The following IRAK4 variants were observed in gnomAD, a reference collection of about 807,000 sequenced individuals.
The protein encoded by IRAK4 is interleukin-1 receptor-associated kinase 4.
In IRAK4, 44 loss-of-function variants were observed where a neutral mutation model predicts 51.8. That is an observed-to-expected ratio of 0.85 (90% CI 0.67 to 1.09). The LOEUF (loss-of-function observed/expected upper bound fraction) is 1.09, where lower values mean the gene tolerates loss of function less well. Among genes scored for constraint, IRAK4 ranks in the 50% least tolerant of loss-of-function variants. The pLI is 0.00. For missense variants in IRAK4, 487 were observed against 538.0 expected, an observed-to-expected ratio of 0.91 and a Z score of 0.94; for synonymous variants, 149 against 174.1, an observed-to-expected ratio of 0.86 and a Z score of 1.13.
intron 10 of IRAK4, among the ~76,000 whole-genome samples, chr12:43,786,039 A>ATT (rs58528160): frequency 1.5e-4 from 21 of 140,488 alleles, no homozygotes; most frequent in Admixed American, 1.4e-4. Context: ...TATGTCTTCA[A>ATT]TTTTTTTTTT....
At position 43,773,986 on chromosome 12, in the gene IRAK4, G is replaced by A; in HGVS notation, c.673G>A (p.Glu225Lys). Residue 225 changes from glutamate (E) to lysine (K), a missense_variant, in exon 6 of 12, where the codon GAA becomes AAA. Glu to Lys is a moderately conservative substitution (Grantham distance 56). Transcript: ENST00000613694. Reference sequence around the variant, plus strand: ...TCAGATGGTTGACATTACTACTGAAGAACTGAAACAGCAGTTTGATCAAGA... The same window carrying A: ...TCAGATGGTTGACATTACTACTGAAAAACTGAAACAGCAGTTTGATCAAGA... ...LAAMVDITTE[E>K]LKQQFDQEIK... 1 of 1,607,814 alleles carries A rather than the reference G, an allele frequency of 6.2e-7. No individual in the cohort carries two copies. Among genetic ancestry groups the A allele is most frequent in the Non-Finnish European group, 8.5e-7 (1 of 1,175,300 alleles).
chr12:43,786,558 G>C lies in IRAK4; in HGVS notation c.1347+1G>C. 2 of 1,613,216 alleles carry C rather than the reference G, an allele frequency of 1.2e-6. No individual in the cohort carries two copies. Among genetic ancestry groups the C allele is most frequent in the Non-Finnish European group, 1.7e-6 (2 of 1,179,488 alleles). On this transcript the variant is annotated splice_donor_variant, in intron 11 of 11. Coordinates refer to ENST00000613694, the MANE Select transcript of IRAK4 (RefSeq NM_016123.4). LOFTEE classifies it high-confidence loss of function. ...AAATAAGAGACCAGACATTAAGAAGGTATGCATTTTTTATACTTATTTAAA... is the reference window on the plus strand; with the variant it reads ...AAATAAGAGACCAGACATTAAGAAGCTATGCATTTTTTATACTTATTTAAA...
At chr12:43,776,102 GT>G (rs1941246581) in intron 6 of IRAK4, among the ~76,000 whole-genome samples, 1 of 151,910 alleles carries the variant, frequency 6.6e-6, no homozygotes, top group African/African-American at 2.4e-5. Flanking sequence ...AGCCAGGATG[GT>G]TTAGATCTGA....
chr12:43,778,256 A>G lies in IRAK4; in HGVS notation c.895A>G (p.Ile299Val). The G allele has an allele frequency of 6.2e-7, 1 of 1,611,260 alleles. No homozygotes were observed. The highest frequency in any genetic ancestry group is 8.5e-7 in the Non-Finnish European group (1 of 1,177,486). The part of the protein sequence containing the change: ...CKIAQGAANG[I>V]NFLHENHHIH... ...GATTGCTCAGGGTGCAGCTAATGGC[A>G]TCAATTTTCTACATGAAAATCATCA... is the stretch of plus-strand genomic sequence containing the variant. Residue 299 changes from isoleucine (I) to valine (V), a missense_variant, in exon 8 of 12, where the codon ATC (isoleucine) becomes GTC (valine). Physicochemically the swap from Ile to Val is conservative, Grantham distance 29 (BLOSUM62 3). Coordinates refer to ENST00000613694, the MANE Select transcript of IRAK4 (RefSeq NM_016123.4).
Position 43,786,557 on chromosome 12 carries a change from G to A in IRAK4, c.1347G>A (p.Lys449=), listed in dbSNP as rs2040738109. 3 of 1,613,112 alleles carry A rather than the reference G, an allele frequency of 1.9e-6. No homozygotes were observed. The highest frequency in any genetic ancestry group is 2.2e-5 in the East Asian group (1 of 44,780). The change falls in exon 11 of 12, where the codon AAG becomes AAA. Residue 449 remains lysine, a splice_region_variant and synonymous_variant. Transcript: ENST00000613694. ...EKKNKRPDIK[K]VQQLLQEMTA... ...AAAATAAGAGACCAGACATTAAGAA[G>A]GTATGCATTTTTTATACTTATTTAA...
chr12:43,783,539 G>T, intron 9 of IRAK4, 123 bp from the exon 10 acceptor site: 1 of 660,164 alleles, frequency 1.5e-6, no homozygotes, highest in Non-Finnish European at 2.7e-6. Flanking sequence ...CAGGCTGGTC[G>T]TGAAGTCCGG....
At chr12:43,783,996 C>T (rs940714850) in intron 10 of IRAK4, among the ~76,000 whole-genome samples, 1 of 151,988 alleles carries the variant, frequency 6.6e-6, no homozygotes, top group Admixed American at 6.6e-5. Flanking sequence ...CTGAGGTCCT[C>T]TTTAGCTTAT....
intron 3 of IRAK4, among the ~76,000 whole-genome samples, chr12:43,771,860 A>G (rs961902529): frequency 6.6e-6 from 1 of 152,092 alleles, no homozygotes; most frequent in African/African-American, 2.4e-5. Flanking sequence ...TTAAACATGT[A>G]GTTTCCTAGG....
At chr12:43,771,176 T>C (rs1940717943) in intron 2 of IRAK4, 44 bp from the exon 3 acceptor site, 1 of 1,518,146 alleles carries the variant, frequency 6.6e-7, no homozygotes, top group Non-Finnish European at 9.1e-7. Context: ...CAAAATGGAC[T>C]AAGACAATAG....
chr12:43,774,591 A>G (rs928821607), intron 6 of IRAK4, among the ~76,000 whole-genome samples: 1 of 152,212 alleles, frequency 6.6e-6, no homozygotes, highest in African/African-American at 2.4e-5. Flanking sequence ...TTTCACTATC[A>G]TGTCCTTCAT....
intron 8 of IRAK4, among the ~76,000 whole-genome samples, chr12:43,781,985 T>C (rs995187386): frequency 1.3e-5 from 2 of 152,240 alleles, no homozygotes; most frequent in Non-Finnish European, 2.9e-5. Flanking sequence ...AATAAATGAT[T>C]TGTGGAATAA....
intron 7 of IRAK4, 95 bp from the exon 8 acceptor site, chr12:43,778,098 T>G: frequency 1.3e-6 from 1 of 758,110 alleles, no homozygotes; most frequent in Non-Finnish European, 2.3e-6. Context: ...AACATCATCT[T>G]CAGTTGTTGC....
chr12:43,785,001 T>A (rs1007013442), intron 10 of IRAK4, among the ~76,000 whole-genome samples: 19 of 152,294 alleles, frequency 1.2e-4, no homozygotes, highest in Admixed American at 4.6e-4. Flanking sequence ...AAAAACTGTG[T>A]GACTTAAAGC....
intron 8 of IRAK4, among the ~76,000 whole-genome samples, chr12:43,780,399 T>C (rs1941673607): frequency 6.6e-6 from 1 of 152,048 alleles, no homozygotes; most frequent in East Asian, 1.9e-4. Context: ...AGGGAGAGGA[T>C]AGTATGGAAG....
chr12:43,771,311 G>GTGGATC lies in IRAK4; in HGVS notation c.255_260dup (p.Asp86_Leu87dup), dbSNP rs1450996169. The GTGGATC allele has an allele frequency of 1.1e-5, 17 of 1,614,034 alleles. No homozygotes were observed. Among genetic ancestry groups the GTGGATC allele is most frequent in the Non-Finnish European group, 1.4e-5 (17 of 1,180,016 alleles). ...CACAAATTGCACAGTTGGTGATCTTGTGGATCTTTTGATCCAAAATGAATT... is the reference window on the plus strand; with the variant it reads ...CACAAATTGCACAGTTGGTGATCTTGTGGATCTGGATCTTTTGATCCAAAATGAATT... On this transcript the variant is annotated inframe_insertion, in exon 3 of 12. Transcript: ENST00000613694.
rs374971450 is a variant in IRAK4, at chr12:43,771,277, C to T, written c.219C>T (p.Asp73=). The T allele has an allele frequency of 1.2e-6, 2 of 1,613,952 alleles. No individual in the cohort carries two copies. The highest frequency in any genetic ancestry group is 1.7e-6 in the Non-Finnish European group (2 of 1,179,826). The change falls in exon 3 of 12, where the codon GAC becomes GAT. Residue 73 remains aspartate (D), a synonymous_variant. Transcript: ENST00000613694. ...GKSPTSELLF[D]WGTTNCTVGD... The stretch of plus-strand genomic sequence containing the variant: ...GTCCCACTTCTGAATTACTGTTTGA[C>T]TGGGGCACCACAAATTGCACAGTTG...
intron 10 of IRAK4, among the ~76,000 whole-genome samples, chr12:43,784,412 G>A (rs1435343648): frequency 6.6e-6 from 1 of 152,124 alleles, no homozygotes; most frequent in Non-Finnish European, 1.5e-5. Context: ...CACAGGTTAA[G>A]AGCTCAGTCC....
At chr12:43,780,060 G>A (rs1941640055) in intron 8 of IRAK4, among the ~76,000 whole-genome samples, 1 of 152,184 alleles carries the variant, frequency 6.6e-6, no homozygotes, top group Non-Finnish European at 1.5e-5. Context: ...AAAACCTGGA[G>A]AGTGTGGAGT....
Position 43,782,424 on chromosome 12 carries a change from T to A in IRAK4, c.1059T>A (p.Ala353=). The stretch of plus-strand genomic sequence containing the variant: ...CTAGCAGAATTGTGGGAACAACAGC[T>A]TATATGGCACCAGAAGCTTTGCGTG... ...VMTSRIVGTT[A]YMAPEALRGE... Residue 353 remains alanine, a synonymous_variant, in exon 9 of 12, where the codon GCT becomes GCA. Coordinates refer to ENST00000613694, the MANE Select transcript of IRAK4 (RefSeq NM_016123.4). The A allele has an allele frequency of 6.2e-7, 1 of 1,613,998 alleles. No homozygotes were observed. Among genetic ancestry groups the A allele is most frequent in the Non-Finnish European group, 8.5e-7 (1 of 1,179,886 alleles).
Sources: gnomAD v4.1 joint callset for allele counts (sites outside exome capture counted in the v4.1 genomes callset) on GRCh38, gnomAD v4.1.1 for gene constraint, MANE v1.5 for transcripts, NCBI Gene and HGNC (gene_info 2026-07-23, HGNC 2026-07-21) for gene names.